CHCHD3: variants seen among roughly 807,000 people sequenced by gnomAD.
CHCHD3 encodes the protein coiled-coil-helix-coiled-coil-helix domain containing 3, also known as MICOS complex subunit MIC19.
CHCHD3 carries 20 observed loss-of-function variants against 38.2 expected under a neutral mutation model. That is an observed-to-expected ratio of 0.52 (90% CI 0.37 to 0.76). CHCHD3 has a LOEUF of 0.76. Among genes scored for constraint, CHCHD3 ranks in the 30% least tolerant of loss-of-function variants. CHCHD3 has a pLI of 0.00. For missense variants in CHCHD3, 245 were observed against 279.2 expected (o/e 0.88, Z 0.87); for synonymous variants, 82 against 100.0 (o/e 0.82, Z 1.07).
At chr7:132,978,734 A>G (rs1301875231) in intron 3 of CHCHD3, among the ~76,000 whole-genome samples, 2 of 152,184 alleles carry the variant, frequency 1.3e-5, no homozygotes, top group African/African-American at 4.8e-5. Flanking sequence ...CTACAACAGG[A>G]GGTGCCACAA....
intron 2 of CHCHD3, among the ~76,000 whole-genome samples, chr7:133,057,493 T>C (rs1205036122): frequency 1.2e-4 from 18 of 151,986 alleles, no homozygotes; most frequent in Admixed American, 1.2e-3. Context: ...GCCCAGCAGT[T>C]CAAGGCTGCA....
chr7:133,022,696 C>A (rs1225077413), intron 3 of CHCHD3, among the ~76,000 whole-genome samples: 1 of 151,922 alleles, frequency 6.6e-6, no homozygotes, highest in Non-Finnish European at 1.5e-5. Context: ...AAAATAAATT[C>A]TTTATCAATA....
chr7:133,010,796 C>G (rs1002722655), intron 3 of CHCHD3, among the ~76,000 whole-genome samples: 1 of 152,150 alleles, frequency 6.6e-6, no homozygotes, highest in Admixed American at 6.5e-5. Context: ...CCAGGCTGGT[C>G]TTGAACTCCT....
At chr7:133,056,915 G>C (rs1409970823) in intron 2 of CHCHD3, among the ~76,000 whole-genome samples, 2 of 152,044 alleles carry the variant, frequency 1.3e-5, no homozygotes, top group African/African-American at 4.8e-5. Flanking sequence ...AAAGCCCTTT[G>C]AACACTAAAT....
At chr7:132,862,041 G>C (rs1808504377) in intron 5 of CHCHD3, among the ~76,000 whole-genome samples, 1 of 151,868 alleles carries the variant, frequency 6.6e-6, no homozygotes, top group Non-Finnish European at 1.5e-5. Context: ...TATGAATCTT[G>C]AAATCCAGCA....
At chr7:132,830,166 C>T (rs893748779) in intron 6 of CHCHD3, among the ~76,000 whole-genome samples, 1 of 152,038 alleles carries the variant, frequency 6.6e-6, no homozygotes. Context: ...GCATTAATAC[C>T]GAAGCTTTCT....
intron 4 of CHCHD3, among the ~76,000 whole-genome samples, chr7:132,956,433 A>T (rs1811169356): frequency 6.6e-6 from 1 of 152,262 alleles, no homozygotes; most frequent in African/African-American, 2.4e-5. Flanking sequence ...ACATACACAA[A>T]CACACATCAG....
chr7:133,043,145 G>A (rs1562946791), intron 2 of CHCHD3, among the ~76,000 whole-genome samples: 1 of 152,134 alleles, frequency 6.6e-6, no homozygotes, highest in Non-Finnish European at 1.5e-5. Context: ...TGGGATTACA[G>A]CCGTGAACCA....
chr7:132,984,797 G>A (rs1812044233), intron 3 of CHCHD3, among the ~76,000 whole-genome samples: 2 of 141,426 alleles, frequency 1.4e-5, no homozygotes, highest in Non-Finnish European at 3.1e-5. Flanking sequence ...CAGCCACTCC[G>A]TCTGGGAAGT....
chr7:132,995,490 C>T lies in CHCHD3; in HGVS notation c.252-20204G>A, dbSNP rs1203297642. Reference sequence around the variant, plus strand: ...CACTTGATATTTTCCATCTTTGACTCAAAAGTGAAATCATAGACATACTTC... The same window carrying T: ...CACTTGATATTTTCCATCTTTGACTTAAAAGTGAAATCATAGACATACTTC... On this transcript the variant is annotated intron_variant, in intron 3 of 7. Coordinates refer to ENST00000262570, the MANE Select transcript of CHCHD3 (RefSeq NM_017812.4). 2.0e-5 allele frequency among the ~76,000 whole-genome samples: 3 copies of T among 152,208 alleles called. No homozygotes were observed. In the East Asian group the frequency reaches 5.8e-4, roughly 29 times the overall value.
At chr7:132,813,150 T>A (rs747306047) in intron 6 of CHCHD3, among the ~76,000 whole-genome samples, 1 of 152,050 alleles carries the variant, frequency 6.6e-6, no homozygotes, top group Middle Eastern at 3.2e-3. Flanking sequence ...CTCAAACCTT[T>A]CCCCCTGAGA....
chr7:132,975,335 A>G (rs1334148598), intron 3 of CHCHD3, 49 bp from the exon 4 acceptor site: 1 of 1,437,732 alleles, frequency 7.0e-7, no homozygotes, highest in South Asian at 1.2e-5. Context: ...TTATTAGTTG[A>G]CATTATTTTC....
At chr7:133,062,453 A>C (rs1814544290) in intron 2 of CHCHD3, among the ~76,000 whole-genome samples, 1 of 152,168 alleles carries the variant, frequency 6.6e-6, no homozygotes, top group Non-Finnish European at 1.5e-5. Context: ...GCATGATTAC[A>C]AAATTTATAT....
At chr7:132,859,424 G>T (rs1026918453) in intron 5 of CHCHD3, among the ~76,000 whole-genome samples, 1 of 152,010 alleles carries the variant, frequency 6.6e-6, no homozygotes, top group African/African-American at 2.4e-5. Flanking sequence ...AAGTAACACA[G>T]GAAAAATTGG....
At chr7:133,064,998 A>C (rs1367872794) in intron 2 of CHCHD3, among the ~76,000 whole-genome samples, 1 of 152,234 alleles carries the variant, frequency 6.6e-6, no homozygotes, top group Non-Finnish European at 1.5e-5. Context: ...GAAAGGAAAC[A>C]ATCAGCACCC....
chr7:132,827,090 G>A (rs1807526661), intron 6 of CHCHD3, among the ~76,000 whole-genome samples: 1 of 152,154 alleles, frequency 6.6e-6, no homozygotes, highest in African/African-American at 2.4e-5. Context: ...GATAGGATTA[G>A]GAATCCTACA....
chr7:132,945,004 G>T (rs1446951028), intron 4 of CHCHD3, among the ~76,000 whole-genome samples: 2 of 151,840 alleles, frequency 1.3e-5, no homozygotes, highest in East Asian at 3.9e-4. Flanking sequence ...AAGTTTGTCA[G>T]CTGGCTTTCT....
intron 3 of CHCHD3, among the ~76,000 whole-genome samples, chr7:133,011,274 G>C (rs1420139457): frequency 6.6e-6 from 1 of 152,208 alleles, no homozygotes; most frequent in East Asian, 1.9e-4. Context: ...AGCCATTAGA[G>C]GGTTTTAAGC....
intron 2 of CHCHD3, among the ~76,000 whole-genome samples, chr7:133,050,514 T>G (rs972447973): frequency 3.3e-5 from 5 of 151,958 alleles, no homozygotes; most frequent in African/African-American, 9.7e-5. Context: ...ATGGACAACA[T>G]GGAGGCAGAA....
Sources: allele counts gnomAD v4.1 joint callset (sites outside exome capture counted in the v4.1 genomes callset), GRCh38; gene constraint gnomAD v4.1.1; transcripts MANE v1.5; gene names NCBI Gene and HGNC (gene_info 2026-07-23, HGNC 2026-07-21).